The following NELL1 variants were observed in gnomAD, a reference collection of about 807,000 sequenced individuals.
NELL1 encodes the protein neural EGFL like 1.
Under a neutral mutation model 107.4 loss-of-function variants are expected in NELL1, and 76 were observed. That is an observed-to-expected ratio of 0.71 (90% CI 0.59 to 0.86). The LOEUF (loss-of-function observed/expected upper bound fraction) is 0.86, where lower values mean the gene tolerates loss of function less well. Among genes scored for constraint, NELL1 ranks in the 40% least tolerant of loss-of-function variants. The pLI is 0.00. For synonymous variants in NELL1, 353 were observed against 341.2 expected (o/e 1.03, Z -0.38); for missense variants, 1,024 against 1,005.5 (o/e 1.02, Z -0.25).
At chr11:20,984,400 T>C (rs1186618629) in intron 12 of NELL1, among the ~76,000 whole-genome samples, 3 of 152,182 alleles carry the variant, frequency 2.0e-5, no homozygotes, top group Non-Finnish European at 4.4e-5. Flanking sequence ...ACTTGAATTG[T>C]CTGGATTCTC....
chr11:20,975,392 G>GC (rs1263518680), intron 12 of NELL1, among the ~76,000 whole-genome samples: 1 of 151,472 alleles, frequency 6.6e-6, no homozygotes, highest in Non-Finnish European at 1.5e-5. Context: ...GTAACAGCTT[G>GC]CCCCTCACTG....
chr11:21,174,570 T>C (rs2133816685), intron 13 of NELL1, among the ~76,000 whole-genome samples: 1 of 151,734 alleles, frequency 6.6e-6, no homozygotes, highest in South Asian at 2.1e-4. Context: ...ACAATGAGGA[T>C]GGTGGAAAAA....
At chr11:20,775,653 G>A (rs1856736772) in intron 2 of NELL1, among the ~76,000 whole-genome samples, 1 of 152,128 alleles carries the variant, frequency 6.6e-6, no homozygotes, top group Non-Finnish European at 1.5e-5. Context: ...TGGAGAGGCA[G>A]CCTAAAGAGG....
At chr11:20,717,630 C>G (rs1336504946) in intron 2 of NELL1, among the ~76,000 whole-genome samples, 2 of 152,094 alleles carry the variant, frequency 1.3e-5, no homozygotes, top group Non-Finnish European at 2.9e-5. Flanking sequence ...GTATCTGGCT[C>G]TTACTCATCG....
At chr11:20,973,868 T>C (rs903011590) in intron 12 of NELL1, among the ~76,000 whole-genome samples, 2 of 152,196 alleles carry the variant, frequency 1.3e-5, no homozygotes, top group African/African-American at 4.8e-5. Flanking sequence ...AATTTTGTCT[T>C]TTGATGCTGA....
chr11:20,797,521 G>C (rs999062427), intron 3 of NELL1, among the ~76,000 whole-genome samples: 5 of 144,164 alleles, frequency 3.5e-5, no homozygotes, highest in African/African-American at 7.9e-5. Context: ...AGCCGAGATC[G>C]CGGCACTGCA....
chr11:21,387,150 C>T (rs779817016), intron 15 of NELL1, among the ~76,000 whole-genome samples: 51 of 151,760 alleles, frequency 3.4e-4, no homozygotes, highest in Non-Finnish European at 6.2e-4. Flanking sequence ...CATATATATC[C>T]AGGATTCATT....
At chr11:21,501,163 G>T (rs79536676) in intron 15 of NELL1, among the ~76,000 whole-genome samples, 22,948 of 151,986 alleles carry the variant, frequency 0.15, 1,810 homozygotes, top group Non-Finnish European at 0.17. Context: ...GTGTGTATGC[G>T]CCCCTAACCA....
intron 15 of NELL1, among the ~76,000 whole-genome samples, chr11:21,476,554 A>G (rs1352117266): frequency 6.6e-6 from 1 of 152,206 alleles, no homozygotes; most frequent in Non-Finnish European, 1.5e-5. Flanking sequence ...ATAGCCGAAT[A>G]GAAGCCTCCA....
intron 2 of NELL1, among the ~76,000 whole-genome samples, chr11:20,748,639 A>G (rs1476204121): frequency 6.6e-6 from 1 of 152,106 alleles, no homozygotes; most frequent in Non-Finnish European, 1.5e-5. Context: ...TCTCTCACTT[A>G]TAAGTAAGAA....
chr11:21,362,777 G>A (rs575413087), intron 14 of NELL1, among the ~76,000 whole-genome samples: 7 of 151,742 alleles, frequency 4.6e-5, no homozygotes, highest in Non-Finnish European at 7.4e-5. Context: ...AGGCTACCAG[G>A]GTGGGTAGAT....
rs954595494 is a variant in NELL1, at chr11:20,991,636, C to T, written c.1300+31076C>T. On this transcript the variant is annotated intron_variant, in intron 12 of 19. Transcript: ENST00000357134. Reference sequence around the variant, plus strand: ...GTCTGGCCAGGCCAGCACATTGGGACGTGCCTCGGATTGGTCGTTTGTTTG... The same window carrying T: ...GTCTGGCCAGGCCAGCACATTGGGATGTGCCTCGGATTGGTCGTTTGTTTG... 9.8e-5 allele frequency among the ~76,000 whole-genome samples: 15 copies of T among 152,288 alleles called. No homozygotes were observed. In the South Asian group the frequency reaches 1.2e-3, roughly 13 times the overall value.
chr11:20,865,831 A>T (rs1441879701), intron 4 of NELL1, among the ~76,000 whole-genome samples: 1 of 152,090 alleles, frequency 6.6e-6, no homozygotes, highest in Non-Finnish European at 1.5e-5. Context: ...AATGCCGTTT[A>T]ATCTATTATT....
chr11:21,247,330 T>C (rs1319702282), intron 14 of NELL1, among the ~76,000 whole-genome samples: 2 of 152,250 alleles, frequency 1.3e-5, no homozygotes, highest in African/African-American at 4.8e-5. Context: ...TCTTTTTGAC[T>C]GGTTTGCAAT....
intron 15 of NELL1, among the ~76,000 whole-genome samples, chr11:21,514,544 T>A (rs1360903021): frequency 6.6e-6 from 1 of 152,242 alleles, no homozygotes; most frequent in Non-Finnish European, 1.5e-5. Context: ...GTTGTACCCA[T>A]GTGGCAACAT....
intron 2 of NELL1, among the ~76,000 whole-genome samples, chr11:20,695,651 A>G (rs1854595376): frequency 6.6e-6 from 1 of 152,042 alleles, no homozygotes; most frequent in African/African-American, 2.4e-5. Flanking sequence ...TAACTTTTTG[A>G]TGTGCTACTG....
intron 16 of NELL1, among the ~76,000 whole-genome samples, chr11:21,550,337 T>G (rs1286942634): frequency 1.3e-5 from 2 of 152,000 alleles, no homozygotes; most frequent in Non-Finnish European, 2.9e-5. Context: ...AGAAGCTCTT[T>G]ATTTTAATTA....
intron 15 of NELL1, among the ~76,000 whole-genome samples, chr11:21,434,200 G>C (rs771821393): frequency 6.6e-6 from 1 of 152,004 alleles, no homozygotes; most frequent in African/African-American, 2.4e-5. Flanking sequence ...GATTGATATA[G>C]CCCCATTTGC....
chr11:21,108,918 A>G (rs1158727101), intron 12 of NELL1, among the ~76,000 whole-genome samples: 2 of 152,170 alleles, frequency 1.3e-5, no homozygotes, highest in Admixed American at 1.3e-4. Context: ...ATCATGATGC[A>G]TCTAACATAA....
Sources: allele counts gnomAD v4.1 joint callset (sites outside exome capture counted in the v4.1 genomes callset), GRCh38; gene constraint gnomAD v4.1.1; transcripts MANE v1.5; gene names NCBI Gene and HGNC (gene_info 2026-07-23, HGNC 2026-07-21).